The following POLA1 variants were observed in gnomAD, a reference collection of about 807,000 sequenced individuals.
POLA1 encodes DNA polymerase alpha catalytic subunit.
Under a neutral mutation model 124.0 loss-of-function variants are expected in POLA1, and 15 were observed. The ratio of observed to expected loss-of-function variants is 0.12; its 90% CI spans 0.08 to 0.19. The LOEUF is 0.19. POLA1 is among the 10% of genes least tolerant of loss of function. The pLI is 1.00. For synonymous variants in POLA1, 408 were observed against 389.4 expected (o/e 1.05, Z -0.56); for missense variants, 886 against 1,103.4 (o/e 0.80, Z 2.79).
intron 10 of POLA1, 48 bp downstream of exon 10, chrX:24,717,806 T>G: frequency 1.2e-6 from 1 of 808,735 alleles, no homozygotes; most frequent in African/African-American, 2.1e-5. Context: ...GAGTAGGACT[T>G]TTCCCTTAAA....
At chrX:24,852,321 T>C (rs951053578) in intron 34 of POLA1, among the ~76,000 whole-genome samples, 1 of 110,447 alleles carries the variant, frequency 9.1e-6, no homozygotes, top group Non-Finnish European at 1.9e-5. Flanking sequence ...CTTTTTTTTT[T>C]TTCTTTGAGA....
chrX:24,773,576 CAG>C (rs959294118), intron 26 of POLA1, among the ~76,000 whole-genome samples: 4 of 111,917 alleles, frequency 3.6e-5, no homozygotes, highest in African/African-American at 1.3e-4. Context: ...TATAATAAAA[CAG>C]GAATCAACAG....
Position 24,733,119 on chromosome X carries a change from G to A in POLA1, c.1772-636G>A, listed in dbSNP as rs192664605. 2.7e-3 allele frequency among the ~76,000 whole-genome samples: 306 copies of A among 112,050 alleles called. 2 individuals carry two copies. Among genetic ancestry groups the A allele is most frequent in the Admixed American group, 4.5e-3 (48 of 10,569 alleles). On this transcript the variant is annotated intron_variant, in intron 16 of 36. Coordinates refer to ENST00000379068, the MANE Select transcript of POLA1 (RefSeq NM_001330360.2). Reference sequence around the variant, plus strand: ...CAGCCCAGAAGCAGAGATTAACTTGGCGAGCCTCTCGTCTGGTTTTCTTGG... The same window carrying A: ...CAGCCCAGAAGCAGAGATTAACTTGACGAGCCTCTCGTCTGGTTTTCTTGG...
intron 36 of POLA1, among the ~76,000 whole-genome samples, chrX:24,937,060 T>G (rs1175606022): frequency 2.7e-5 from 3 of 112,205 alleles, no homozygotes; most frequent in Non-Finnish European, 3.8e-5. Context: ...AAAAATGATC[T>G]GAGGGTTTTT....
chrX:24,857,237 TTG>T (rs2046657474), intron 34 of POLA1, among the ~76,000 whole-genome samples: 1 of 112,007 alleles, frequency 8.9e-6, no homozygotes, highest in African/African-American at 3.2e-5. Flanking sequence ...TTGAGCATAT[TTG>T]TGTGGGTCTA....
intron 36 of POLA1, among the ~76,000 whole-genome samples, chrX:24,945,080 C>G (rs2047945363): frequency 1.8e-5 from 2 of 111,639 alleles, no homozygotes; most frequent in Middle Eastern, 4.6e-3. Context: ...TGAAGTACAT[C>G]TATAAAACAG....
At chrX:24,945,505 T>C (rs1265656403) in intron 36 of POLA1, among the ~76,000 whole-genome samples, 1 of 112,504 alleles carries the variant, frequency 8.9e-6, no homozygotes, top group East Asian at 2.8e-4. Context: ...AGTTTTCTTA[T>C]CTATTGAAAT....
At chrX:24,743,363 T>TA (rs1931794293) in intron 23 of POLA1, 34 bp downstream of exon 23, 1 of 718,045 alleles carries the variant, frequency 1.4e-6, no homozygotes, top group African/African-American at 2.1e-5. Flanking sequence ...TTTCTCCCAG[T>TA]ATTAAGGAAT....
At chrX:24,799,736 A>G (rs2045673945) in intron 26 of POLA1, among the ~76,000 whole-genome samples, 1 of 112,020 alleles carries the variant, frequency 8.9e-6, no homozygotes, top group African/African-American at 3.2e-5. Context: ...AATGCCAAGC[A>G]TAGTTTTTAC....
chrX:24,819,902 C>T (rs1359320952), intron 30 of POLA1, among the ~76,000 whole-genome samples: 5 of 111,373 alleles, frequency 4.5e-5, no homozygotes, highest in South Asian at 3.8e-4. Context: ...TGAGAACATG[C>T]GGTGTTTGGT....
intron 34 of POLA1, among the ~76,000 whole-genome samples, chrX:24,873,005 ATGTT>A (rs754816430): frequency 2.6e-4 from 29 of 111,365 alleles, no homozygotes; most frequent in Non-Finnish European, 4.9e-4. Flanking sequence ...CTGCCATAGT[ATGTT>A]TGTTACAACT....
At chrX:24,993,181 G>T (rs2048554914) in intron 36 of POLA1, among the ~76,000 whole-genome samples, 1 of 112,578 alleles carries the variant, frequency 8.9e-6, no homozygotes, top group South Asian at 3.7e-4. Flanking sequence ...TAAGATGAGT[G>T]ATTTCTGGGT....
At chrX:24,772,774 G>A (rs1173231925) in intron 26 of POLA1, among the ~76,000 whole-genome samples, 7 of 111,558 alleles carry the variant, frequency 6.3e-5, no homozygotes, top group African/African-American at 1.3e-4. Context: ...AGAGAGTGTG[G>A]TGCTTCCTCA....
At position 24,727,920 on chromosome X, in the gene POLA1, A is replaced by G. The variant is rs1339288126; in HGVS notation, c.1670A>G (p.Lys557Arg). 4 of 1,208,390 alleles carry G rather than the reference A, an allele frequency of 3.3e-6. No homozygotes were observed. Among genetic ancestry groups the G allele is most frequent in the Non-Finnish European group, 1.1e-6 (1 of 893,092 alleles). Residue 557 changes from lysine to arginine, a missense_variant, in exon 15 of 37, where the codon AAG (lysine) becomes AGG (arginine). Around this residue, in one of 7 missense-constraint regions of POLA1, gnomAD observed 337 missense variants for 402.8 expected, o/e 0.84. Transcript: ENST00000379068. ...AGCATGAAGACAATGCAGAATGCAA[A>G]GAACCATCAAAATGAGGTTTAAAAA... Reference protein sequence around the residue: ...AFSMKTMQNAKNHQNEIIAMA... With the variant: ...AFSMKTMQNARNHQNEIIAMA...
chrX:24,936,846 A>G (rs1212967087), intron 36 of POLA1, among the ~76,000 whole-genome samples: 2 of 111,972 alleles, frequency 1.8e-5, no homozygotes, highest in Non-Finnish European at 3.8e-5. Context: ...GTGTTATTCC[A>G]TCGAAAAACT....
intron 34 of POLA1, among the ~76,000 whole-genome samples, chrX:24,866,021 G>A (rs762782284): frequency 7.2e-5 from 8 of 111,463 alleles, no homozygotes; most frequent in Non-Finnish European, 1.1e-4. Context: ...CAACTTCCAC[G>A]CATATTGATA....
intron 36 of POLA1, among the ~76,000 whole-genome samples, chrX:24,941,817 C>T (rs1421420334): frequency 4.5e-5 from 5 of 112,189 alleles, no homozygotes; most frequent in Non-Finnish European, 9.4e-5. Context: ...CTCTCCTTGG[C>T]CTGTGAGCCC....
intron 32 of POLA1, among the ~76,000 whole-genome samples, chrX:24,830,983 G>T (rs1189790288): frequency 9.0e-6 from 1 of 111,493 alleles, no homozygotes; most frequent in Admixed American, 9.5e-5. Context: ...AAATTATTGA[G>T]GTTTGAAGAA....
chrX:24,950,951 A>G (rs2048030809), intron 36 of POLA1, among the ~76,000 whole-genome samples: 3 of 112,158 alleles, frequency 2.7e-5, no homozygotes, highest in East Asian at 5.6e-4. Context: ...AGCGTTTATC[A>G]TTAAATCCAA....
Sources: gnomAD v4.1 joint callset for allele counts (sites outside exome capture counted in the v4.1 genomes callset) on GRCh38, gnomAD v4.1.1 for gene constraint, gnomAD v4.1.1 regional missense constraint, MANE v1.5 for transcripts, NCBI Gene and HGNC (gene_info 2026-07-23, HGNC 2026-07-21) for gene names.